SLC17A9: variants seen among roughly 807,000 people sequenced by gnomAD.
SLC17A9 encodes the protein voltage-gated purine nucleotide uniporter SLC17A9.
SLC17A9 carries 49 observed loss-of-function variants against 55.0 expected under a neutral mutation model. The observed-to-expected ratio is 0.89, with a 90% CI of 0.71 to 1.13. The LOEUF (loss-of-function observed/expected upper bound fraction) is 1.13. SLC17A9 is among the 50% of genes most tolerant of loss of function. The probability of loss-of-function intolerance (pLI) is 0.00; values close to 1 mark genes in which losing one functional copy is unlikely to be tolerated. For missense variants in SLC17A9, 526 were observed against 569.3 expected (o/e 0.92, Z 0.77); for synonymous variants, 256 against 247.4 (o/e 1.03, Z -0.32).
In SLC17A9 at chr20:62,966,688, C is replaced by G. The variant is rs746648856; in HGVS notation, c.1118-15C>G. ...CTGACCATCCATATTCTCTCTCGCT[C>G]TGGCCTCTTCACAGGTGTGGCCAAC... On this transcript the variant is annotated splice_polypyrimidine_tract_variant and intron_variant, in intron 11 of 12. Transcript: ENST00000370351. 5 of 1,613,900 alleles carry G rather than the reference C, an allele frequency of 3.1e-6. No individual in the cohort carries two copies. In the South Asian group the frequency reaches 5.5e-5, roughly 18 times the overall value.
In SLC17A9 at chr20:62,963,347, C is replaced by G. The variant is rs201983048; in HGVS notation, c.703C>G (p.Leu235Val). 2.7e-4 allele frequency: 428 copies of G among 1,613,532 alleles called. No homozygotes were observed. Among genetic ancestry groups the G allele is most frequent in the Non-Finnish European group, 3.3e-4 (387 of 1,179,988 alleles). The change falls in exon 6 of 13, where the codon CTC (leucine) becomes GTC (valine). Residue 235 changes from leucine to valine, a missense_variant. Physicochemically the swap from Leu to Val is conservative, Grantham distance 32. Transcript: ENST00000370351. Reference sequence around the variant, plus strand: ...GCACAACAGAGTCCCCTGGAGACGGCTCTTCCGGAAGCCTGCTGTCTGGTG... The same window carrying G: ...GCACAACAGAGTCCCCTGGAGACGGGTCTTCCGGAAGCCTGCTGTCTGGTG... ...SRHNRVPWRRLFRKPAVWAAV... is the reference protein window; with the variant it reads ...SRHNRVPWRRVFRKPAVWAAV...
intron 4 of SLC17A9, among the ~76,000 whole-genome samples, chr20:62,960,908 A>G (rs568062185): frequency 6.6e-6 from 1 of 152,344 alleles, no homozygotes; most frequent in African/African-American, 2.4e-5. Context: ...CATCTGTGCT[A>G]ACGATGCCAG....
rs768224262 is a variant in SLC17A9 at position 62,957,498 on chromosome 20, C to T, written c.315C>T (p.Ala105=). ...CCTCTGCCTGGGGCTCCATCACGGC[C>T]GTCACCCCACTGCTCGCCCACCTGA... ...LSASAWGSIT[A]VTPLLAHLSS... Residue 105 remains alanine, a synonymous_variant, in exon 3 of 13, where the codon GCC becomes GCT. Coordinates refer to ENST00000370351, the MANE Select transcript of SLC17A9 (RefSeq NM_022082.4). 9.3e-6 allele frequency: 15 copies of T among 1,609,656 alleles called. No individual in the cohort carries two copies. The highest frequency in any genetic ancestry group is 2.7e-5 in the African/African-American group (2 of 74,800).
At chr20:62,959,696 G>C (rs1291468076) in intron 3 of SLC17A9, among the ~76,000 whole-genome samples, 1 of 152,246 alleles carries the variant, frequency 6.6e-6, no homozygotes, top group East Asian at 1.9e-4. Context: ...TGAGCGCTCT[G>C]CGGTTAAAAG....
At chr20:62,964,588 G>A (rs1212954746) in intron 8 of SLC17A9, among the ~76,000 whole-genome samples, 1 of 152,192 alleles carries the variant, frequency 6.6e-6, no homozygotes. Flanking sequence ...GAGGTTACAA[G>A]CATCCTTGAA....
chr20:62,963,124 G>C, intron 5 of SLC17A9, 149 bp from the exon 6 acceptor site: 1 of 790,832 alleles, frequency 1.3e-6, no homozygotes, highest in Non-Finnish European at 2.1e-6. Flanking sequence ...TGGTAGGGGA[G>C]GCCAAGGGAG....
chr20:62,965,583 C>G (rs751543252), intron 9 of SLC17A9, 27 bp from the exon 10 acceptor site: 22 of 1,603,950 alleles, frequency 1.4e-5, no homozygotes, highest in Middle Eastern at 3.7e-4. Flanking sequence ...CTGGGTGCCT[C>G]TCCGTCACGG....
At chr20:62,964,873 CTG>C (rs1326535735) in intron 8 of SLC17A9, 2 of 541,822 alleles carry the variant, frequency 3.7e-6, no homozygotes, top group East Asian at 2.9e-5. Context: ...GTTTCCGCCT[CTG>C]TAACTGCTGT....
In SLC17A9 at chr20:62,952,751, C is replaced by A; in HGVS notation, c.-80C>A. 7.0e-7 allele frequency: 1 copy of A among 1,438,842 alleles called. No individual in the cohort carries two copies. The highest frequency in any genetic ancestry group is 2.2e-5 in the Admixed American group (1 of 45,754). 89.1% of individuals were successfully genotyped at this position (1,438,842 alleles called of 1,614,324 possible). ...GACTGACACGTGGACTTGGGCGGTG[C>A]TGCCCGGGTGGGTCAGCCTGGGCTG... On this transcript the variant is annotated 5_prime_UTR_variant, in exon 1 of 13. It adds an upstream start codon to the 5' untranslated region. Transcript: ENST00000370351.
rs901977462 is a variant in SLC17A9 at position 62,958,577 on chromosome 20, G to A, written c.397+997G>A. On this transcript the variant is annotated intron_variant, in intron 3 of 12. Coordinates refer to ENST00000370351, the MANE Select transcript of SLC17A9 (RefSeq NM_022082.4). This position sits in a 1 kb window ranked among gnomAD's most constrained non-coding sequence, Gnocchi z 4.1. ...CCCTGCCTGGGCCACTCCTCCCCCAGTGTCCTGGGCCATCCAGACCCCCCA... is the reference window on the plus strand; with the variant it reads ...CCCTGCCTGGGCCACTCCTCCCCCAATGTCCTGGGCCATCCAGACCCCCCA... 6.6e-6 allele frequency among the ~76,000 whole-genome samples: 1 copy of A among 151,964 alleles called. No homozygotes were observed.
At position 62,957,440 on chromosome 20, in the gene SLC17A9, G is replaced by T. The variant is rs977291779; in HGVS notation, c.258-1G>T. 1.3e-6 allele frequency: 2 copies of T among 1,581,890 alleles called. No individual in the cohort carries two copies. Among genetic ancestry groups the T allele is most frequent in the Non-Finnish European group, 1.7e-6 (2 of 1,165,594 alleles). ...CTCACCTCCCTCTGTCTTCCCTCCA[G>T]GATTGGGGGTGAGAAGGTCATCCTG... On this transcript the variant is annotated splice_acceptor_variant, in intron 2 of 12. Transcript: ENST00000370351. LOFTEE classifies it high-confidence loss of function.
chr20:62,963,774 G>A (rs2147657756), intron 7 of SLC17A9, 94 bp downstream of exon 7: 1 of 1,178,098 alleles, frequency 8.5e-7, no homozygotes, highest in Non-Finnish European at 1.2e-6. Flanking sequence ...TGCAGATGGT[G>A]GAACCCTCGG....
In SLC17A9 at chr20:62,956,832, A is replaced by G. The variant is rs372230490; in HGVS notation, c.127A>G (p.Ser43Gly). The change falls in exon 2 of 13, where the codon AGC (serine) becomes GGC (glycine). Residue 43 changes from serine to glycine, a missense_variant. Ser to Gly is a moderately conservative substitution (Grantham distance 56). Coordinates refer to ENST00000370351, the MANE Select transcript of SLC17A9 (RefSeq NM_022082.4). The stretch of plus-strand genomic sequence containing the variant: ...ATGCCTTCTGTACTGCGCCCGCTCC[A>G]GCATGCCCATCTGCACCGTCTCCAT... ...GTCLLYCARSSMPICTVSMSQ... is the reference protein window; with the variant it reads ...GTCLLYCARSGMPICTVSMSQ... The G allele has an allele frequency of 3.2e-5, 52 of 1,613,262 alleles. No individual in the cohort carries two copies. The East Asian group carries it at 4.7e-4, about 15-fold the overall frequency.
intron 8 of SLC17A9, 130 bp downstream of exon 8, chr20:62,964,445 TC>T: frequency 2.1e-6 from 2 of 933,178 alleles, no homozygotes; most frequent in Non-Finnish European, 1.7e-6. Flanking sequence ...GGCACTTCTT[TC>T]CAGGCTCGGC....
At position 62,965,422 on chromosome 20, in the gene SLC17A9, G is replaced by A. The variant is rs114136055; in HGVS notation, c.946-188G>A. On this transcript the variant is annotated intron_variant, in intron 9 of 12. Coordinates refer to ENST00000370351, the MANE Select transcript of SLC17A9 (RefSeq NM_022082.4). ...TCGAATAGGGCCTCTCCCTTGGAGC[G>A]GGGCTGATTCTTGCGGAGACTCCTC... is the stretch of plus-strand genomic sequence containing the variant. Among the ~76,000 whole-genome samples, 1,134 of 152,356 alleles carry A rather than the reference G, an allele frequency of 7.4e-3. 13 individuals carry two copies. Among genetic ancestry groups the A allele is most frequent in the African/African-American group, 0.026 (1,085 of 41,582 alleles).
rs551373724 is a variant in SLC17A9, at chr20:62,963,069, C to T, written c.629-204C>T. 1,587 of 649,756 alleles carry T rather than the reference C, an allele frequency of 2.4e-3. 3 individuals carry two copies. The highest frequency in any genetic ancestry group is 3.5e-3 in the Non-Finnish European group (1,299 of 376,162). 40.2% of individuals were successfully genotyped at this position (649,756 alleles called of 1,614,324 possible). On this transcript the variant is annotated intron_variant, in intron 5 of 12. Transcript: ENST00000370351. ...CTCTGGAGGAGGCCGTGTGGAGGGTCGTTCAGAACGCGGTTCTCAAAGGTG... is the reference window on the plus strand; with the variant it reads ...CTCTGGAGGAGGCCGTGTGGAGGGTTGTTCAGAACGCGGTTCTCAAAGGTG...
chr20:62,963,762 C>T, intron 7 of SLC17A9, 82 bp downstream of exon 7: 1 of 1,311,144 alleles, frequency 7.6e-7, no homozygotes, highest in Non-Finnish European at 1.1e-6. Flanking sequence ...GGGTCCTTGG[C>T]CTGCAGATGG....
Position 62,956,754 on chromosome 20 carries a change from C to G in SLC17A9, c.60-11C>G. The G allele has an allele frequency of 6.2e-7, 1 of 1,609,072 alleles. No homozygotes were observed. Among genetic ancestry groups the G allele is most frequent in the Non-Finnish European group, 8.5e-7 (1 of 1,178,848 alleles). On this transcript the variant is annotated splice_polypyrimidine_tract_variant and intron_variant, in intron 1 of 12. Coordinates refer to ENST00000370351, the MANE Select transcript of SLC17A9 (RefSeq NM_022082.4). ...GGCCTCCCCAGGGCCTGACCATCTCCTGTCCCACAGGCCCGAGTGCCAGGC... is the reference window on the plus strand; with the variant it reads ...GGCCTCCCCAGGGCCTGACCATCTCGTGTCCCACAGGCCCGAGTGCCAGGC...
intron 4 of SLC17A9, among the ~76,000 whole-genome samples, chr20:62,961,723 C>T (rs73143828): frequency 0.036 from 5,436 of 152,250 alleles, 141 homozygotes; most frequent in African/African-American, 0.053. Context: ...TCACATAAAC[C>T]GGAGGGGATA....
Sources: allele counts gnomAD v4.1 joint callset (sites outside exome capture counted in the v4.1 genomes callset), GRCh38; gene constraint gnomAD v4.1.1; non-coding constraint Gnocchi (gnomAD v3.1); transcripts MANE v1.5; gene names NCBI Gene and HGNC (gene_info 2026-07-23, HGNC 2026-07-21).